Variants in ADAM23 observed in about 807,000 individuals in gnomAD.
ADAM23 encodes the protein disintegrin and metalloproteinase domain-containing protein 23.
A neutral mutation model predicts 120.1 loss-of-function variants in ADAM23; 33 were observed. The observed-to-expected ratio is 0.27, with a 90% CI of 0.21 to 0.37. The LOEUF is 0.37. Ranked by LOEUF, ADAM23 falls within the 10% of genes least tolerant of loss-of-function variation. The pLI, the probability that ADAM23 is intolerant of heterozygous loss-of-function variation, is 1.00. For synonymous variants in ADAM23, 367 were observed against 375.2 expected (o/e 0.98, Z 0.25); for missense variants, 862 against 1,058.2 (o/e 0.81, Z 2.57).
chr2:206,504,660 A>G (rs113630941), intron 3 of ADAM23, among the ~76,000 whole-genome samples: 29 of 152,330 alleles, frequency 1.9e-4, no homozygotes, highest in African/African-American at 7.0e-4. Flanking sequence ...AATTTGACAC[A>G]TACTTTGTAG....
chr2:206,528,841 G>C (rs1048220310), intron 3 of ADAM23, among the ~76,000 whole-genome samples: 3 of 152,184 alleles, frequency 2.0e-5, no homozygotes, highest in Non-Finnish European at 2.9e-5. Context: ...AGAGCATACA[G>C]CTGGCTTAGA....
chr2:206,571,890 T>C, intron 17 of ADAM23, 74 bp downstream of exon 17: 2 of 1,295,996 alleles, frequency 1.5e-6, no homozygotes, highest in Non-Finnish European at 1.1e-6. Context: ...ACACTGAGCA[T>C]TTGTGTAGCT....
At chr2:206,605,915 GTGGTGCC>G (rs1698720555) in intron 24 of ADAM23, 1 of 638,508 alleles carries the variant, frequency 1.6e-6, no homozygotes, top group African/African-American at 1.9e-5. Context: ...GTGTTTCTGT[GTGGTGCC>G]TGATGTGTGA....
At chr2:206,495,460 C>T (rs371542542) in intron 3 of ADAM23, among the ~76,000 whole-genome samples, 155 of 143,844 alleles carry the variant, frequency 1.1e-3, no homozygotes, top group African/African-American at 3.3e-3. Flanking sequence ...TGAGAGATTT[C>T]GTCACCACCA....
chr2:206,580,994 A>G lies in ADAM23; in HGVS notation c.1738-6331A>G, dbSNP rs1335638718. On this transcript the variant is annotated intron_variant, in intron 18 of 25. Coordinates refer to ENST00000264377, the MANE Select transcript of ADAM23 (RefSeq NM_003812.4). Reference sequence around the variant, plus strand: ...CCATCCCTTCTAGATTTTCTAGTGTATGTGTGTAAAGGTGTTCATAGTAGC... The same window carrying G: ...CCATCCCTTCTAGATTTTCTAGTGTGTGTGTGTAAAGGTGTTCATAGTAGC... 7.9e-5 allele frequency among the ~76,000 whole-genome samples: 12 copies of G among 152,042 alleles called. No individual in the cohort carries two copies. In the South Asian group the frequency reaches 1.9e-3, roughly 24 times the overall value.
chr2:206,501,023 A>G (rs1401629119), intron 3 of ADAM23, among the ~76,000 whole-genome samples: 1 of 149,874 alleles, frequency 6.7e-6, no homozygotes, highest in Non-Finnish European at 1.5e-5. Context: ...AGTTGTGTGT[A>G]GTGTTTGAAT....
intron 3 of ADAM23, among the ~76,000 whole-genome samples, chr2:206,520,209 C>A (rs1574510347): frequency 6.6e-6 from 1 of 152,104 alleles, no homozygotes; most frequent in Non-Finnish European, 1.5e-5. Flanking sequence ...GGGATTTGCT[C>A]TACAGAGGCC....
chr2:206,451,592 A>C (rs1056813318), intron 2 of ADAM23, among the ~76,000 whole-genome samples: 3 of 152,224 alleles, frequency 2.0e-5, no homozygotes, highest in African/African-American at 7.2e-5. Context: ...TCCTCTAAGA[A>C]CCCAGTGACA....
chr2:206,458,022 C>T (rs955429140), intron 2 of ADAM23, among the ~76,000 whole-genome samples: 5 of 152,180 alleles, frequency 3.3e-5, no homozygotes, highest in Non-Finnish European at 7.3e-5. Context: ...GGCATTTTAA[C>T]GATCCAGTGT....
chr2:206,469,039 A>G (rs1266964960), intron 2 of ADAM23, among the ~76,000 whole-genome samples: 2 of 152,196 alleles, frequency 1.3e-5, no homozygotes, highest in Non-Finnish European at 2.9e-5. Flanking sequence ...TGTTAAAACC[A>G]TGAGAAACCG....
rs77932597 is a variant in ADAM23 at position 206,470,975 on chromosome 2, C to G, written c.433-10257C>G. On this transcript the variant is annotated intron_variant, in intron 2 of 25. Transcript: ENST00000264377. ...ATATTTAACATGAACTTTGAGCAGTCTCATAAGCAGAGCCTGAAAAATTCT... is the reference window on the plus strand; with the variant it reads ...ATATTTAACATGAACTTTGAGCAGTGTCATAAGCAGAGCCTGAAAAATTCT... 5.5e-3 allele frequency among the ~76,000 whole-genome samples: 830 copies of G among 152,288 alleles called. 3 individuals carry two copies. Among genetic ancestry groups the G allele is most frequent in the South Asian group, 9.5e-3 (46 of 4,826 alleles).
intron 7 of ADAM23, 45 bp from the exon 8 acceptor site, chr2:206,548,236 T>C: frequency 6.4e-7 from 1 of 1,556,920 alleles, no homozygotes; most frequent in Non-Finnish European, 8.8e-7. Flanking sequence ...CATACTCCCA[T>C]TGAAATAAGC....
intron 13 of ADAM23, among the ~76,000 whole-genome samples, chr2:206,563,841 T>G (rs1185463148): frequency 6.6e-6 from 1 of 151,806 alleles, no homozygotes; most frequent in East Asian, 1.9e-4. Context: ...GCCATTCTCC[T>G]GCCTCAGCCT....
chr2:206,530,252 C>T (rs1199911836), intron 3 of ADAM23, among the ~76,000 whole-genome samples: 3 of 152,168 alleles, frequency 2.0e-5, no homozygotes, highest in Non-Finnish European at 4.4e-5. Flanking sequence ...ACATACTGCC[C>T]GTGGCTGCTT....
intron 24 of ADAM23, among the ~76,000 whole-genome samples, chr2:206,601,618 A>T (rs1292853604): frequency 3.9e-5 from 6 of 151,974 alleles, no homozygotes; most frequent in Non-Finnish European, 5.9e-5. Flanking sequence ...ATAAAAAAAT[A>T]AAAAAATTAG....
chr2:206,462,295 A>G (rs1695437798), intron 2 of ADAM23, among the ~76,000 whole-genome samples: 1 of 152,232 alleles, frequency 6.6e-6, no homozygotes, highest in Non-Finnish European at 1.5e-5. Flanking sequence ...GTTCATAAAA[A>G]TATAATATGA....
intron 18 of ADAM23, among the ~76,000 whole-genome samples, chr2:206,573,624 TA>T (rs34558052): frequency 1.6e-3 from 230 of 141,520 alleles, no homozygotes; most frequent in Admixed American, 2.1e-3. Flanking sequence ...TACTTAACAG[TA>T]AAAAAAAAAA....
At chr2:206,516,047 C>T (rs759082009) in intron 3 of ADAM23, among the ~76,000 whole-genome samples, 54 of 151,402 alleles carry the variant, frequency 3.6e-4, no homozygotes, top group Non-Finnish European at 6.0e-4. Context: ...AAAATATATT[C>T]ACCCAGTTTA....
chr2:206,502,577 C>T (rs1696409777), intron 3 of ADAM23, among the ~76,000 whole-genome samples: 1 of 152,048 alleles, frequency 6.6e-6, no homozygotes, highest in South Asian at 2.1e-4. Context: ...GTACAGAGGG[C>T]TGTTGTTAAT....
Sources: gnomAD v4.1 joint callset for allele counts (sites outside exome capture counted in the v4.1 genomes callset) on GRCh38, gnomAD v4.1.1 for gene constraint, MANE v1.5 for transcripts, NCBI Gene and HGNC (gene_info 2026-07-23, HGNC 2026-07-21) for gene names.